Variants in LRRC49 observed in about 807,000 individuals in gnomAD.
LRRC49 encodes leucine rich repeat containing 49.
LRRC49 carries 50 observed loss-of-function variants against 83.3 expected under a neutral mutation model. That is an observed-to-expected ratio of 0.60 (90% confidence interval 0.48 to 0.76). The LOEUF (loss-of-function observed/expected upper bound fraction) is 0.76, where lower values mean the gene tolerates loss of function less well. LRRC49 is among the 30% of genes least tolerant of loss of function. The probability of loss-of-function intolerance (pLI) is 0.00; values close to 1 mark genes in which losing one functional copy is unlikely to be tolerated. For missense variants in LRRC49, 704 were observed against 809.1 expected, an observed-to-expected ratio of 0.87 and a Z score of 1.58; for synonymous variants, 286 against 283.3, an observed-to-expected ratio of 1.01 and a Z score of -0.10.
At chr15:70,947,610 C>G (rs2036056342) in intron 8 of LRRC49, among the ~76,000 whole-genome samples, 1 of 152,142 alleles carries the variant, frequency 6.6e-6, no homozygotes, top group African/African-American at 2.4e-5. Context: ...TTCTGAAGAG[C>G]CTTAATGTTC....
chr15:70,895,691 G>A, intron 2 of LRRC49, 158 bp from the exon 3 acceptor site: 1 of 530,726 alleles, frequency 1.9e-6, no homozygotes, highest in South Asian at 2.7e-5. Flanking sequence ...TTGCCAATGT[G>A]GTATTTTGTG....
chr15:71,031,482 C>T (rs926253381), intron 14 of LRRC49, among the ~76,000 whole-genome samples: 2 of 152,192 alleles, frequency 1.3e-5, no homozygotes, highest in East Asian at 3.9e-4. Flanking sequence ...GTCAGGGATC[C>T]ACTTGAGGAG....
intron 7 of LRRC49, among the ~76,000 whole-genome samples, chr15:70,926,742 C>G (rs996747935): frequency 6.6e-6 from 1 of 151,050 alleles, no homozygotes; most frequent in African/African-American, 2.4e-5. Context: ...TTGCTCAATT[C>G]CCACCTATGA....
At chr15:71,002,830 A>C (rs1351317648) in intron 11 of LRRC49, among the ~76,000 whole-genome samples, 1 of 151,952 alleles carries the variant, frequency 6.6e-6, no homozygotes, top group Admixed American at 6.6e-5. Flanking sequence ...TAGACATTTA[A>C]GAGTATGTTC....
At chr15:71,044,231 G>A (rs1486007342) in intron 15 of LRRC49, among the ~76,000 whole-genome samples, 2 of 152,152 alleles carry the variant, frequency 1.3e-5, no homozygotes, top group African/African-American at 4.8e-5. Context: ...GAAGAGGCCA[G>A]CTGGAACCAT....
chr15:70,892,056 G>T (rs765584906), upstream of LRRC49: 3 of 1,613,830 alleles, frequency 1.9e-6, no homozygotes, highest in East Asian at 6.7e-5. Flanking sequence ...GAGAAGCGCA[G>T]GTTCTTCTGG....
chr15:70,893,716 G>GT lies in LRRC49; in HGVS notation c.105+77dup, dbSNP rs1412311557. 17 of 1,139,556 alleles carry GT rather than the reference G, an allele frequency of 1.5e-5. No individual in the cohort carries two copies. In the East Asian group the frequency reaches 1.7e-4, roughly 11 times the overall value. The allele number at this position is 1,139,556 out of a possible 1,614,324, so 70.6% of individuals were successfully genotyped here. ...CACAAATAGCAGCATGACTTAAAGTGTAGATAGATTCTAAACTGAAAAATT... is the reference window on the plus strand; with the variant it reads ...CACAAATAGCAGCATGACTTAAAGTGTTAGATAGATTCTAAACTGAAAAATT... On this transcript the variant is annotated intron_variant, in intron 2 of 15. Transcript: ENST00000260382.
intron 1 of LRRC49, chr15:70,859,028 A>G (rs552622501): frequency 2.3e-6 from 3 of 1,303,684 alleles, no homozygotes; most frequent in East Asian, 2.3e-5. Context: ...TGCCTCCTTC[A>G]TAGACAAGGT....
intron 2 of LRRC49, 81 bp from the exon 3 acceptor site, chr15:70,895,768 T>C: frequency 1.3e-6 from 1 of 771,830 alleles, no homozygotes; most frequent in Non-Finnish European, 2.2e-6. Context: ...GTATCAGTTA[T>C]TATATGTTTT....
intron 1 of LRRC49, chr15:70,859,019 G>A: frequency 3.6e-6 from 4 of 1,124,754 alleles, no homozygotes; most frequent in Non-Finnish European, 5.4e-6. Context: ...CAACAAGTTT[G>A]CCTCCTTCAT....
At position 70,865,157 on chromosome 15, in the gene LRRC49, T is replaced by C. The variant is rs192335781; in HGVS notation, c.-298-7751T>C. ...GCTGGGATTACAGGTGTGGGCCCCATGCCTGGCCATTTCTCTTAACCCAAA... is the reference window on the plus strand; with the variant it reads ...GCTGGGATTACAGGTGTGGGCCCCACGCCTGGCCATTTCTCTTAACCCAAA... On this transcript the variant is annotated intron_variant, in intron 1 of 16. Transcript: ENST00000544974. 4.8e-3 allele frequency among the ~76,000 whole-genome samples: 729 copies of C among 152,322 alleles called. 2 individuals are homozygous for C. Among genetic ancestry groups the C allele is most frequent in the Middle Eastern group, 0.01 (3 of 294 alleles).
intron 15 of LRRC49, among the ~76,000 whole-genome samples, chr15:71,045,363 A>C (rs2039823435): frequency 6.6e-6 from 1 of 152,238 alleles, no homozygotes; most frequent in South Asian, 2.1e-4. Context: ...CAGTGTACTT[A>C]CTTTATCACA....
At chr15:70,892,784 G>A (rs181364335), upstream of LRRC49, 98 of 1,607,676 alleles carry the variant, frequency 6.1e-5, no homozygotes, top group East Asian at 2.1e-3. Flanking sequence ...CGTTTCCATG[G>A]TAACCCTGAG....
rs747150285 is a variant in LRRC49 at position 70,992,114 on chromosome 15, C to T, written c.1169+7857C>T. ...CAGTTGATTGAATTGGCTGCTGAAGCTTGTGCATTCATCACATAGTTCCCG... is the reference window on the plus strand; with the variant it reads ...CAGTTGATTGAATTGGCTGCTGAAGTTTGTGCATTCATCACATAGTTCCCG... On this transcript the variant is annotated intron_variant, in intron 11 of 15. Coordinates refer to ENST00000260382, the MANE Select transcript of LRRC49 (RefSeq NM_017691.5). Among the ~76,000 whole-genome samples, 34 of 152,350 alleles carry T rather than the reference C, an allele frequency of 2.2e-4. 1 individual carries two copies. Among genetic ancestry groups the T allele is most frequent in the Non-Finnish European group, 3.4e-4 (23 of 68,038 alleles).
At chr15:70,993,646 G>T (rs535460028) in intron 11 of LRRC49, among the ~76,000 whole-genome samples, 1 of 152,074 alleles carries the variant, frequency 6.6e-6, no homozygotes, top group East Asian at 1.9e-4. Context: ...AATTTTACTT[G>T]GTTAGAACTA....
chr15:70,873,151 T>A (rs1419450344), exon 2 of LRRC49: 10 of 1,497,740 alleles, frequency 6.7e-6, no homozygotes, highest in Non-Finnish European at 9.0e-6. Context: ...TCCCAAAGTG[T>A]TGGGATTACA....
chr15:70,907,006 C>T (rs2034342375), intron 5 of LRRC49, among the ~76,000 whole-genome samples: 1 of 152,184 alleles, frequency 6.6e-6, no homozygotes, highest in Admixed American at 6.5e-5. Context: ...CAGTGAAATG[C>T]AAGTCTGAGC....
intron 2 of LRRC49, among the ~76,000 whole-genome samples, chr15:70,873,703 A>T (rs934050981): frequency 2.9e-4 from 44 of 151,984 alleles, no homozygotes; most frequent in Non-Finnish European, 2.2e-4. Flanking sequence ...GCTAGCTTGA[A>T]CTCAGTCACA....
At chr15:70,859,356 A>G (rs1191967285) in intron 1 of LRRC49, 10 of 774,346 alleles carry the variant, frequency 1.3e-5, no homozygotes, top group Non-Finnish European at 2.4e-5. Flanking sequence ...TCTTGCCTGG[A>G]AGGGCTGACT....
Sources: gnomAD v4.1 joint callset for allele counts (sites outside exome capture counted in the v4.1 genomes callset) on GRCh38, gnomAD v4.1.1 for gene constraint, MANE v1.5 for transcripts, NCBI Gene and HGNC (gene_info 2026-07-23, HGNC 2026-07-21) for gene names.